The following SUPT3H variants were observed in gnomAD, a reference collection of about 807,000 sequenced individuals.
SUPT3H encodes SPT3 homolog, SAGA and STAGA complex component, also known as transcription initiation protein SPT3 homolog.
A neutral mutation model predicts 44.3 loss-of-function variants in SUPT3H; 44 were observed. The ratio of observed to expected loss-of-function variants is 0.99; its 90% confidence interval spans 0.78 to 1.28. SUPT3H has a LOEUF of 1.28. Ranked by LOEUF, SUPT3H falls within the 50% of genes most tolerant of loss-of-function variation. The pLI, the probability that SUPT3H is intolerant of heterozygous loss-of-function variation, is 0.00. For synonymous variants in SUPT3H, 124 were observed against 125.6 expected, an observed-to-expected ratio of 0.99 and a Z score of 0.09; for missense variants, 380 against 387.1, an observed-to-expected ratio of 0.98 and a Z score of 0.15.
chr6:44,967,779 T>C (rs553609496), intron 6 of SUPT3H, among the ~76,000 whole-genome samples: 50 of 152,318 alleles, frequency 3.3e-4, no homozygotes, highest in African/African-American at 1.2e-3. Flanking sequence ...CTCTCACTTC[T>C]ACTTCAACAT....
intron 2 of SUPT3H, among the ~76,000 whole-genome samples, chr6:45,300,854 T>G (rs571355657): frequency 6.6e-6 from 1 of 151,480 alleles, no homozygotes; most frequent in African/African-American, 2.4e-5. Flanking sequence ...TCTGTGCACA[T>G]GATTGAGGAA....
chr6:44,900,920 G>A (rs1247520496), intron 10 of SUPT3H, among the ~76,000 whole-genome samples: 1 of 152,210 alleles, frequency 6.6e-6, no homozygotes, highest in Non-Finnish European at 1.5e-5. Flanking sequence ...AGGGTCTGGA[G>A]TGGACCTCCA....
chr6:44,851,876 G>C (rs1772943128), intron 10 of SUPT3H, among the ~76,000 whole-genome samples: 2 of 152,036 alleles, frequency 1.3e-5, no homozygotes, highest in South Asian at 4.1e-4. Flanking sequence ...TGTTTCTATG[G>C]GAAAATCGAA....
rs1315376202 is a variant in SUPT3H at position 45,003,620 on chromosome 6, C to G, written c.504+33G>C. 2.5e-6 allele frequency: 4 copies of G among 1,606,962 alleles called. No individual in the cohort carries two copies. In the South Asian group the frequency reaches 3.3e-5, roughly 13 times the overall value. On this transcript the variant is annotated intron_variant, in intron 6 of 10. Transcript: ENST00000371459. ...CAGCATAGGCACTGCAATGATTGTTCTATTTCTGTAAAAAGGGAAGAATGT... is the reference window on the plus strand; with the variant it reads ...CAGCATAGGCACTGCAATGATTGTTGTATTTCTGTAAAAAGGGAAGAATGT...
intron 10 of SUPT3H, among the ~76,000 whole-genome samples, chr6:44,881,883 G>A (rs912667746): frequency 1.3e-5 from 2 of 152,170 alleles, no homozygotes; most frequent in Non-Finnish European, 2.9e-5. Flanking sequence ...CACAGCTAAA[G>A]CAGTGATTAG....
chr6:45,199,664 AT>A (rs1260945104), intron 2 of SUPT3H, among the ~76,000 whole-genome samples: 5 of 151,358 alleles, frequency 3.3e-5, no homozygotes, highest in African/African-American at 1.2e-4. Flanking sequence ...CAGTAGCATA[AT>A]TTTTCACATT....
chr6:45,276,348 C>A (rs1465877468), intron 2 of SUPT3H, among the ~76,000 whole-genome samples: 1 of 151,694 alleles, frequency 6.6e-6, no homozygotes, highest in African/African-American at 2.4e-5. Context: ...AAAATAGAAA[C>A]CTCTCCTATA....
chr6:45,246,617 C>T (rs1269314072), intron 2 of SUPT3H, among the ~76,000 whole-genome samples: 1 of 152,152 alleles, frequency 6.6e-6, no homozygotes, highest in Non-Finnish European at 1.5e-5. Flanking sequence ...AAATAAGACG[C>T]TATTACTTCT....
intron 2 of SUPT3H, among the ~76,000 whole-genome samples, chr6:45,158,292 A>ATTTTTT (rs1562573016): frequency 3.1e-5 from 1 of 32,340 alleles, no homozygotes; most frequent in Non-Finnish European, 6.8e-5. Context: ...ATATATATAT[A>ATTTTTT]TATATATTTT....
At chr6:45,334,436 G>A (rs1223758869) in intron 2 of SUPT3H, among the ~76,000 whole-genome samples, 6 of 127,410 alleles carry the variant, frequency 4.7e-5, no homozygotes, top group African/African-American at 1.8e-4. Context: ...TCTATTTTGT[G>A]CTTCAGGAAA....
chr6:45,049,651 A>C (rs992688399), intron 3 of SUPT3H, among the ~76,000 whole-genome samples: 3 of 152,194 alleles, frequency 2.0e-5, no homozygotes, highest in African/African-American at 7.2e-5. Flanking sequence ...TGGTTAAAGT[A>C]GTCTTTGAGT....
At chr6:44,887,784 GA>G (rs1411346086) in intron 10 of SUPT3H, among the ~76,000 whole-genome samples, 5 of 151,470 alleles carry the variant, frequency 3.3e-5, no homozygotes, top group African/African-American at 1.2e-4. Context: ...AGAACTGAAG[GA>G]AATAGAGACA....
At chr6:45,175,895 C>T (rs929477651) in intron 2 of SUPT3H, among the ~76,000 whole-genome samples, 1 of 152,184 alleles carries the variant, frequency 6.6e-6, no homozygotes, top group Non-Finnish European at 1.5e-5. Flanking sequence ...TATTGCTAGA[C>T]TGGCTGATTT....
Position 44,844,429 on chromosome 6 carries a change from T to C in SUPT3H, c.913-14572A>G, listed in dbSNP as rs189278776. Among the ~76,000 whole-genome samples the C allele has an allele frequency of 4.5e-4, 68 of 152,334 alleles. No homozygotes were observed. The East Asian group carries it at 0.012, about 27-fold the overall frequency. Reference sequence around the variant, plus strand: ...GAAATGAAAACATGTCCATGTTTTATAGGTGAACATTTATATATTTTTATG... The same window carrying C: ...GAAATGAAAACATGTCCATGTTTTACAGGTGAACATTTATATATTTTTATG... On this transcript the variant is annotated intron_variant, in intron 10 of 10. Coordinates refer to ENST00000371459, the MANE Select transcript of SUPT3H (RefSeq NM_003599.4).
intron 9 of SUPT3H, among the ~76,000 whole-genome samples, chr6:44,941,650 G>T (rs943314672): frequency 7.9e-5 from 12 of 152,070 alleles, no homozygotes; most frequent in Non-Finnish European, 5.9e-5. Context: ...CATAAGAATG[G>T]TCTATTCTAA....
At chr6:44,948,503 C>CTAAT (rs1337474067) in intron 9 of SUPT3H, among the ~76,000 whole-genome samples, 1 of 152,086 alleles carries the variant, frequency 6.6e-6, no homozygotes, top group Admixed American at 6.6e-5. Flanking sequence ...TGACAAAGGG[C>CTAAT]TAATATCCAG....
At chr6:44,882,907 T>C (rs1778489042) in intron 10 of SUPT3H, among the ~76,000 whole-genome samples, 1 of 152,218 alleles carries the variant, frequency 6.6e-6, no homozygotes, top group Non-Finnish European at 1.5e-5. Flanking sequence ...GAGCTGTTTA[T>C]GACAAATCCA....
At chr6:45,300,568 T>C (rs899633280) in intron 2 of SUPT3H, among the ~76,000 whole-genome samples, 3 of 152,214 alleles carry the variant, frequency 2.0e-5, no homozygotes, top group Admixed American at 6.5e-5. Context: ...TTCTACTCCT[T>C]GGTGTTACCA....
At chr6:45,128,299 G>A (rs950184718) in intron 2 of SUPT3H, among the ~76,000 whole-genome samples, 4 of 151,336 alleles carry the variant, frequency 2.6e-5, no homozygotes, top group Non-Finnish European at 2.9e-5. Flanking sequence ...GAGGTCAGGA[G>A]ATTGAGACCA....
Sources: gnomAD v4.1 joint callset for allele counts (sites outside exome capture counted in the v4.1 genomes callset) on GRCh38, gnomAD v4.1.1 for gene constraint, MANE v1.5 for transcripts, NCBI Gene and HGNC (gene_info 2026-07-23, HGNC 2026-07-21) for gene names.